Variants in APAF1 observed in about 807,000 individuals in gnomAD.
The protein encoded by APAF1 is apoptotic peptidase activating factor 1.
In APAF1, 91 loss-of-function variants were observed where a neutral mutation model predicts 152.4. That is an observed-to-expected ratio of 0.60 (90% CI 0.50 to 0.71). The LOEUF (loss-of-function observed/expected upper bound fraction) is 0.71, where lower values mean the gene tolerates loss of function less well. Ranked by LOEUF, APAF1 falls within the 30% of genes least tolerant of loss-of-function variation. The pLI is 0.00. For synonymous variants in APAF1, 484 were observed against 494.1 expected (o/e 0.98, Z 0.27); for missense variants, 1,283 against 1,472.0 (o/e 0.87, Z 2.10).
chr12:98,715,492 C>T lies in APAF1; in HGVS notation c.3024C>T (p.His1008=). The change falls in exon 22 of 27, where the codon CAC becomes CAT. Residue 1008 remains histidine, a synonymous_variant. Transcript: ENST00000551964. ...TTCAGCACAAGAAAACTGTATGGCA[C>T]ATCCAGTTCACAGCCGATGAGAAGA... is the stretch of plus-strand genomic sequence containing the variant. The part of the protein sequence containing the change: ...SRFQHKKTVW[H]IQFTADEKTL... 1 of 1,613,390 alleles carries T rather than the reference C, an allele frequency of 6.2e-7. No individual in the cohort carries two copies. Among genetic ancestry groups the T allele is most frequent in the Non-Finnish European group, 8.5e-7 (1 of 1,179,622 alleles).
intron 17 of APAF1, among the ~76,000 whole-genome samples, chr12:98,701,989 T>C (rs1354034108): frequency 1.3e-5 from 2 of 152,250 alleles, no homozygotes; most frequent in East Asian, 3.8e-4. Context: ...TAAATCTGAT[T>C]TCCTGCCCTG....
chr12:98,723,264 C>A lies in APAF1; in HGVS notation c.3156C>A (p.Leu1052=). 6.2e-7 allele frequency: 1 copy of A among 1,613,608 alleles called. No homozygotes were observed. Among genetic ancestry groups the A allele is most frequent in the Middle Eastern group, 1.7e-4 (1 of 6,058 alleles). The change falls in exon 23 of 27, where the codon CTC becomes CTA. Residue 1052 remains leucine, a synonymous_variant. Coordinates refer to ENST00000551964, the MANE Select transcript of APAF1 (RefSeq NM_181861.2). ...GHQETVKDFR[L]LKNSRLLSWS... ...AGGAAACAGTGAAAGACTTTAGACT[C>A]TTGAAAAATTCAAGACTGCTTTCTT...
intron 21 of APAF1, among the ~76,000 whole-genome samples, chr12:98,714,508 C>T (rs1336292748): frequency 6.6e-6 from 1 of 152,138 alleles, no homozygotes; most frequent in East Asian, 1.9e-4. Flanking sequence ...CTTATTTCCA[C>T]AATTTTCATA....
intron 21 of APAF1, among the ~76,000 whole-genome samples, chr12:98,715,139 C>T (rs1363391529): frequency 1.4e-5 from 2 of 141,274 alleles, no homozygotes; most frequent in Non-Finnish European, 3.0e-5. Flanking sequence ...TAGTTGAGTA[C>T]TCAGAAGGAC....
At position 98,645,316 on chromosome 12, in the gene APAF1, T is replaced by G. The variant is rs2097638297; in HGVS notation, c.-561T>G. The G allele has an allele frequency of 6.6e-6, 1 of 152,370 alleles. No homozygotes were observed. The highest frequency in any genetic ancestry group is 2.4e-5 in the African/African-American group (1 of 41,360). The allele number at this position is 152,370 out of a possible 1,614,324, so 9.4% of individuals were successfully genotyped here. ...GAGGCGGAGAAGAAGAGGTAGCGAG[T>G]GGACGTGACTGCTCTATCCCGGGCA... On this transcript the variant is annotated 5_prime_UTR_variant, in exon 1 of 27. Transcript: ENST00000551964.
At chr12:98,699,595 A>C in intron 17 of APAF1, 26 bp downstream of exon 17, 1 of 1,612,492 alleles carries the variant, frequency 6.2e-7, no homozygotes, top group Non-Finnish European at 8.5e-7. Flanking sequence ...AGCCAACTTC[A>C]GTCTGATTTA....
chr12:98,648,518 C>T, intron 2 of APAF1, 21 bp downstream of exon 2: 2 of 1,610,782 alleles, frequency 1.2e-6, no homozygotes, highest in Non-Finnish European at 1.7e-6. Context: ...CTGAAGCAGT[C>T]CACACTTCCT....
chr12:98,693,434 A>G (rs1464691066), intron 16 of APAF1, among the ~76,000 whole-genome samples: 1 of 152,168 alleles, frequency 6.6e-6, no homozygotes, highest in Non-Finnish European at 1.5e-5. Flanking sequence ...AACAGTGTTC[A>G]GGGTTTACAT....
intron 20 of APAF1, among the ~76,000 whole-genome samples, chr12:98,710,309 A>G (rs1306400092): frequency 6.6e-6 from 1 of 151,354 alleles, no homozygotes; most frequent in African/African-American, 2.4e-5. Context: ...TGGGTTTTAG[A>G]AGTGCTTTAT....
chr12:98,725,971 T>A (rs991563003), intron 25 of APAF1, among the ~76,000 whole-genome samples: 1 of 152,184 alleles, frequency 6.6e-6, no homozygotes, highest in Non-Finnish European at 1.5e-5. Flanking sequence ...ACCCATTTGA[T>A]AGCCATTTCC....
chr12:98,685,816 T>C (rs1243756563), intron 15 of APAF1, among the ~76,000 whole-genome samples: 1 of 152,018 alleles, frequency 6.6e-6, no homozygotes, highest in Non-Finnish European at 1.5e-5. Context: ...TTTGTGTTTT[T>C]AGTAGAGATG....
rs995869705 is a variant in APAF1 at position 98,665,582 on chromosome 12, G to A, written c.985G>A (p.Ala329Thr). The A allele has an allele frequency of 1.2e-6, 2 of 1,613,136 alleles. No individual in the cohort carries two copies. The highest frequency in any genetic ancestry group is 1.3e-5 in the African/African-American group (1 of 74,746). Residue 329 changes from alanine (A) to threonine (T), a missense_variant, in exon 8 of 27, where the codon GCA (alanine) becomes ACA (threonine). Coordinates refer to ENST00000551964, the MANE Select transcript of APAF1 (RefSeq NM_181861.2). The part of the protein sequence containing the change: ...GSPLVVSLIG[A>T]LLRDFPNRWE... ...TCCCCTTGTAGTATCTTTAATTGGT[G>A]CACTTTTACGTGATTTTCCCAATCG...
intron 18 of APAF1, 74 bp from the exon 19 acceptor site, chr12:98,706,411 G>A (rs2097721432): frequency 1.4e-6 from 2 of 1,467,966 alleles, no homozygotes; most frequent in Admixed American, 1.7e-5. Context: ...GCTCATTCTT[G>A]CTATTTTCAA....
intron 1 of APAF1, 106 bp from the exon 2 acceptor site, chr12:98,648,213 A>G (rs577377731): frequency 1.7e-6 from 2 of 1,171,668 alleles, no homozygotes; most frequent in Non-Finnish European, 1.2e-6. Context: ...TTTGCCAAGG[A>G]AAAAAAATCA....
At chr12:98,672,720 A>G (rs1440497318) in intron 12 of APAF1, among the ~76,000 whole-genome samples, 1 of 151,852 alleles carries the variant, frequency 6.6e-6, no homozygotes, top group Non-Finnish European at 1.5e-5. Context: ...AATCTTCAAA[A>G]CAAGTTTATA....
chr12:98,702,379 A>C (rs925153527), intron 17 of APAF1, among the ~76,000 whole-genome samples: 1 of 152,114 alleles, frequency 6.6e-6, no homozygotes, highest in Non-Finnish European at 1.5e-5. Flanking sequence ...AAACATTTTA[A>C]TAGCTCCCAC....
chr12:98,664,970 G>A (rs748713197), intron 7 of APAF1, among the ~76,000 whole-genome samples: 18 of 151,740 alleles, frequency 1.2e-4, no homozygotes, highest in South Asian at 2.1e-4. Flanking sequence ...CATTGTTTAC[G>A]TTGTTTAAGA....
intron 4 of APAF1, among the ~76,000 whole-genome samples, chr12:98,655,997 A>C (rs2097657024): frequency 6.6e-6 from 1 of 151,928 alleles, no homozygotes; most frequent in Admixed American, 6.6e-5. Flanking sequence ...GTTAGCCAGG[A>C]TGGTTTCGAT....
intron 18 of APAF1, among the ~76,000 whole-genome samples, chr12:98,704,363 A>G (rs1270153914): frequency 6.6e-6 from 1 of 152,258 alleles, no homozygotes; most frequent in Non-Finnish European, 1.5e-5. Flanking sequence ...CAGTTCCAAG[A>G]AGATGGGTAT....
Sources: allele counts gnomAD v4.1 joint callset (sites outside exome capture counted in the v4.1 genomes callset), GRCh38; gene constraint gnomAD v4.1.1; transcripts MANE v1.5; gene names NCBI Gene and HGNC (gene_info 2026-07-23, HGNC 2026-07-21).